The following RNF212 variants were observed in gnomAD, a reference collection of about 807,000 sequenced individuals.
The protein encoded by RNF212 is ring finger protein 212, also known as probable E3 SUMO-protein ligase RNF212.
A neutral mutation model predicts 34.7 loss-of-function variants in RNF212; 33 were observed. The ratio of observed to expected loss-of-function variants is 0.95; its 90% CI spans 0.72 to 1.27. The LOEUF is 1.27. RNF212 is among the 50% of genes most tolerant of loss of function. The pLI is 0.00. For synonymous variants in RNF212, 140 were observed against 136.1 expected, an observed-to-expected ratio of 1.03 and a Z score of -0.20; for missense variants, 377 against 362.2, an observed-to-expected ratio of 1.04 and a Z score of -0.33.
chr4:1,067,867 CAA>C (rs1183457508), downstream of RNF212, among the ~76,000 whole-genome samples: 19 of 60,626 alleles, frequency 3.1e-4, no homozygotes, highest in Middle Eastern at 0.011. Flanking sequence ...GACTCTGTCT[CAA>C]AAAAAAAAAA....
intron 2 of RNF212, 22 bp downstream of exon 2, chr4:1,108,321 G>T: frequency 6.9e-7 from 1 of 1,438,948 alleles, no homozygotes; most frequent in South Asian, 1.4e-5. Flanking sequence ...TTAAGATGCA[G>T]ATACGACACA....
chr4:1,066,461 C>T (rs1030480636), intron 3 of RNF212, among the ~76,000 whole-genome samples: 44 of 151,894 alleles, frequency 2.9e-4, no homozygotes, highest in East Asian at 1.9e-4. Context: ...CCTGAGCAGC[C>T]GGGACTACAG....
chr4:1,056,457 G>A (rs779850376), exon 5 of RNF212: 108 of 966,816 alleles, frequency 1.1e-4, no homozygotes, highest in Non-Finnish European at 1.3e-4. Flanking sequence ...CATGGAAGTC[G>A]CGGTAAAAAC....
intron 8 of RNF212, among the ~76,000 whole-genome samples, chr4:1,079,373 T>A (rs1170374913): frequency 6.6e-6 from 1 of 152,246 alleles, no homozygotes; most frequent in African/African-American, 2.4e-5. Flanking sequence ...AGAACCTGCA[T>A]GGGACCCTGC....
chr4:1,063,573 C>T (rs563208649), intron 3 of RNF212, among the ~76,000 whole-genome samples: 1 of 151,652 alleles, frequency 6.6e-6, no homozygotes, highest in Non-Finnish European at 1.5e-5. Context: ...TGGTGGTGCG[C>T]ACCTGTAATC....
At chr4:1,073,750 TC>T in intron 8 of RNF212, 88 bp from the exon 9 acceptor site, 1 of 856,438 alleles carries the variant, frequency 1.2e-6, no homozygotes, top group South Asian at 1.4e-5. Flanking sequence ...GGAACACATT[TC>T]CCAGAACCCC....
At chr4:1,093,333 C>A (rs1358949039) in intron 3 of RNF212, 2 of 1,025,186 alleles carry the variant, frequency 2.0e-6, no homozygotes, top group African/African-American at 1.7e-5. Flanking sequence ...TTTATTAATT[C>A]ATTTAAAAAT....
At chr4:1,081,525 T>C (rs1403741163) in intron 6 of RNF212, 42 bp downstream of exon 6, 7 of 1,604,264 alleles carry the variant, frequency 4.4e-6, no homozygotes, top group Non-Finnish European at 6.0e-6. Flanking sequence ...CTCAGCAACA[T>C]GCATCTCTAT....
chr4:1,059,162 C>A (rs948749398), intron 3 of RNF212, among the ~76,000 whole-genome samples: 11 of 152,230 alleles, frequency 7.2e-5, no homozygotes, highest in Non-Finnish European at 1.3e-4. Flanking sequence ...CGGGGGGTTG[C>A]CGGCTTGTGG....
At chr4:1,085,497 C>T (rs996569443) in intron 5 of RNF212, among the ~76,000 whole-genome samples, 2 of 152,212 alleles carry the variant, frequency 1.3e-5, no homozygotes, top group African/African-American at 4.8e-5. Flanking sequence ...ATGTACCTTT[C>T]GCAAACGGCT....
At chr4:1,094,134 C>A (rs1291202879) in intron 3 of RNF212, 3 of 1,242,404 alleles carry the variant, frequency 2.4e-6, no homozygotes, top group African/African-American at 3.1e-5. Context: ...ATGCAGGGGT[C>A]CATCCTCAGT....
intron 3 of RNF212, among the ~76,000 whole-genome samples, chr4:1,061,356 C>T (rs528709157): frequency 5.3e-5 from 8 of 152,204 alleles, no homozygotes; most frequent in Non-Finnish European, 1.2e-4. Context: ...GGTCCATCTG[C>T]AGGACCTGGA....
At chr4:1,076,210 G>A (rs905261479) in intron 8 of RNF212, among the ~76,000 whole-genome samples, 56 of 152,288 alleles carry the variant, frequency 3.7e-4, no homozygotes, top group African/African-American at 1.3e-3. Flanking sequence ...GGAGGGTGGG[G>A]GCCTTAGGCT....
rs968433316 is a variant in RNF212, at chr4:1,057,055, G to A, written n.221-552C>T. 35 of 916,242 alleles carry A rather than the reference G, an allele frequency of 3.8e-5. No homozygotes were observed. The African/African-American group carries it at 6.1e-4, about 16-fold the overall frequency. The allele number at this position is 916,242 out of a possible 1,614,324, so 56.8% of individuals were successfully genotyped here. On this transcript the variant is annotated intron_variant and non_coding_transcript_variant, in intron 4 of 4. Coordinates refer to the RNF212 transcript ENST00000503206. The stretch of plus-strand genomic sequence containing the variant: ...CATGAATGCTCGGAGCATCTCTGGT[G>A]ACACGGTAGTTACAGCACTGGCCGT...
At chr4:1,093,230 G>A in intron 3 of RNF212, 1 of 392,146 alleles carries the variant, frequency 2.6e-6, no homozygotes, top group Non-Finnish European at 4.2e-6. Flanking sequence ...ACTCTTAAAA[G>A]TTACTGAGGG....
intron 2 of RNF212, 84 bp from the exon 3 acceptor site, chr4:1,096,923 A>C: frequency 9.8e-7 from 1 of 1,015,410 alleles, no homozygotes; most frequent in South Asian, 1.3e-5. Flanking sequence ...TTGAAGACCT[A>C]GAATTAGCTA....
intron 8 of RNF212, among the ~76,000 whole-genome samples, chr4:1,074,081 G>A (rs1435928083): frequency 6.6e-6 from 1 of 152,210 alleles, no homozygotes; most frequent in African/African-American, 2.4e-5. Flanking sequence ...GCTCAGAGCT[G>A]TGTGTGCTGG....
chr4:1,096,954 C>A, intron 2 of RNF212, 115 bp from the exon 3 acceptor site: 1 of 801,024 alleles, frequency 1.2e-6, no homozygotes, highest in South Asian at 1.5e-5. Context: ...AAGTGGCCAG[C>A]ACATTGTGAA....
chr4:1,066,459 G>A lies in RNF212; in HGVS notation n.147+7140C>T, dbSNP rs964576535. Among the ~76,000 whole-genome samples, 10 of 152,246 alleles carry A rather than the reference G, an allele frequency of 6.6e-5. No individual in the cohort carries two copies. The East Asian group carries it at 1.9e-3, about 30-fold the overall frequency. On this transcript the variant is annotated intron_variant and non_coding_transcript_variant, in intron 3 of 4. Transcript: ENST00000503206. ...TTCGCCCACTTCAGCTTCCTGAGCA[G>A]CCGGGACTACAGGTGTGTGCCCCCA...
Sources: gnomAD v4.1 joint callset for allele counts (sites outside exome capture counted in the v4.1 genomes callset) on GRCh38, gnomAD v4.1.1 for gene constraint, MANE v1.5 for transcripts, NCBI Gene and HGNC (gene_info 2026-07-23, HGNC 2026-07-21) for gene names.